Variants in FAM13A observed in about 807,000 individuals in gnomAD.
FAM13A encodes family with sequence similarity 13 member A, also known as protein FAM13A.
In FAM13A, 76 loss-of-function variants were observed where a neutral mutation model predicts 129.6. The observed-to-expected ratio is 0.59, with a 90% confidence interval of 0.49 to 0.71. The LOEUF (loss-of-function observed/expected upper bound fraction) is 0.71, where lower values mean the gene tolerates loss of function less well. Among genes scored for constraint, FAM13A ranks in the 30% least tolerant of loss-of-function variants. The pLI is 0.00. For missense variants in FAM13A, 1,108 were observed against 1,249.3 expected (o/e 0.89, Z 1.70); for synonymous variants, 443 against 449.9 (o/e 0.98, Z 0.20).
chr4:88,909,682 T>C (rs1435313230), intron 5 of FAM13A, among the ~76,000 whole-genome samples: 1 of 152,140 alleles, frequency 6.6e-6, no homozygotes, highest in Non-Finnish European at 1.5e-5. Context: ...AGATGAGGTT[T>C]CTCCATGTTG....
chr4:88,747,549 TG>T, intron 18 of FAM13A, 81 bp downstream of exon 18: 1 of 1,133,404 alleles, frequency 8.8e-7, no homozygotes, highest in Non-Finnish European at 1.3e-6. Context: ...ATCTTCCCAC[TG>T]GGATTCACGT....
intron 5 of FAM13A, among the ~76,000 whole-genome samples, chr4:88,921,638 A>G (rs1751111358): frequency 6.6e-6 from 1 of 152,240 alleles, no homozygotes; most frequent in South Asian, 2.1e-4. Flanking sequence ...AAGAAACTGC[A>G]TCAACTAACG....
At chr4:88,823,270 G>T in intron 7 of FAM13A, 1 of 1,256,160 alleles carries the variant, frequency 8.0e-7, no homozygotes, top group South Asian at 2.3e-5. Context: ...CAGGGAAGCA[G>T]CTGAACCACC....
At chr4:88,847,656 C>T (rs376693832) in intron 7 of FAM13A, among the ~76,000 whole-genome samples, 49 of 151,938 alleles carry the variant, frequency 3.2e-4, no homozygotes, top group South Asian at 1.5e-3. Context: ...AACAACAGGC[C>T]GGGTGCAGTG....
Position 88,749,766 on chromosome 4 carries a change from C to T in FAM13A, c.2079+5G>A. The stretch of plus-strand genomic sequence containing the variant: ...GCGAAAAGAACAGTGTGAGGGGACA[C>T]TTACTCTGTACTTCTTCTCTTCTTC... On this transcript the variant is annotated splice_donor_5th_base_variant and intron_variant, in intron 16 of 23. Transcript: ENST00000264344. 1 of 1,613,972 alleles carries T rather than the reference C, an allele frequency of 6.2e-7. No individual in the cohort carries two copies. Among genetic ancestry groups the T allele is most frequent in the Non-Finnish European group, 8.5e-7 (1 of 1,179,888 alleles).
chr4:88,763,458 G>A (rs1745176700), intron 13 of FAM13A, among the ~76,000 whole-genome samples: 1 of 152,192 alleles, frequency 6.6e-6, no homozygotes, highest in Admixed American at 6.5e-5. Context: ...TAGGATGCCA[G>A]GGGGCAAATA....
intron 8 of FAM13A, among the ~76,000 whole-genome samples, chr4:88,798,494 G>A (rs1174232937): frequency 6.6e-6 from 1 of 152,136 alleles, no homozygotes; most frequent in Non-Finnish European, 1.5e-5. Context: ...CTGCTCAGTT[G>A]AGGAAATGTC....
intron 19 of FAM13A, among the ~76,000 whole-genome samples, chr4:88,743,871 T>A (rs1229064059): frequency 6.6e-6 from 1 of 152,184 alleles, no homozygotes; most frequent in African/African-American, 2.4e-5. Flanking sequence ...CCTCAAACTC[T>A]TAGTAAAACA....
At chr4:88,737,593 C>G in intron 20 of FAM13A, 38 bp from the exon 21 acceptor site, 1 of 1,508,656 alleles carries the variant, frequency 6.6e-7, no homozygotes, top group Non-Finnish European at 9.2e-7. Flanking sequence ...CATTCCGAAC[C>G]CCTTTCCCTT....
At chr4:89,002,853 T>A (rs1441489670) in intron 3 of FAM13A, among the ~76,000 whole-genome samples, 3 of 152,004 alleles carry the variant, frequency 2.0e-5, no homozygotes, top group Admixed American at 6.6e-5. Flanking sequence ...AGTATGGTGT[T>A]TTGCAAGAGG....
chr4:88,980,945 T>C (rs138167292), intron 4 of FAM13A, among the ~76,000 whole-genome samples: 13 of 152,318 alleles, frequency 8.5e-5, no homozygotes, highest in African/African-American at 1.2e-4. Context: ...TGAAGACCAA[T>C]AGCAGTTTTA....
At chr4:88,793,228 G>A (rs1223603308) in intron 8 of FAM13A, among the ~76,000 whole-genome samples, 1 of 151,882 alleles carries the variant, frequency 6.6e-6, no homozygotes, top group South Asian at 2.1e-4. Context: ...GGTAGGATAC[G>A]GAAAACTCAT....
At chr4:88,992,283 T>C (rs1404410349) in intron 3 of FAM13A, among the ~76,000 whole-genome samples, 1 of 152,006 alleles carries the variant, frequency 6.6e-6, no homozygotes, top group East Asian at 1.9e-4. Context: ...CTTTTTTTTT[T>C]TTTAAGGAGT....
At chr4:88,788,979 A>C (rs969708509) in intron 9 of FAM13A, among the ~76,000 whole-genome samples, 2 of 152,200 alleles carry the variant, frequency 1.3e-5, no homozygotes, top group Non-Finnish European at 2.9e-5. Flanking sequence ...ACTTTTATAG[A>C]TAGAACTCCA....
intron 19 of FAM13A, among the ~76,000 whole-genome samples, chr4:88,739,770 G>A (rs1052249154): frequency 9.0e-6 from 1 of 111,104 alleles, no homozygotes; most frequent in African/African-American, 4.1e-5. Flanking sequence ...CTGGGTGACA[G>A]AGAAAGACTC....
intron 6 of FAM13A, among the ~76,000 whole-genome samples, chr4:88,884,997 A>C (rs1269907793): frequency 6.6e-6 from 1 of 152,224 alleles, no homozygotes; most frequent in Non-Finnish European, 1.5e-5. Context: ...GAAAGAAATC[A>C]TAGATGGCAC....
intron 6 of FAM13A, among the ~76,000 whole-genome samples, chr4:88,852,443 T>C (rs931596869): frequency 6.6e-6 from 1 of 152,204 alleles, no homozygotes; most frequent in Non-Finnish European, 1.5e-5. Context: ...ATTACAGGCT[T>C]GAGCCACGGC....
At position 89,013,288 on chromosome 4, in the gene FAM13A, GTATA is replaced by G. The variant is rs554147247; in HGVS notation, c.427+7168_427+7171del. Among the ~76,000 whole-genome samples the G allele has an allele frequency of 2.9e-4, 42 of 145,444 alleles. 1 individual carries two copies. Among genetic ancestry groups the G allele is most frequent in the African/African-American group, 1.0e-3 (41 of 39,982 alleles). ...ATAAAATATATATATATATAACACA[GTATA>G]TATATATAAAACACAGTATATACAT... On this transcript the variant is annotated intron_variant, in intron 3 of 23. Transcript: ENST00000264344.
chr4:88,733,094 G>T (rs1307074284), intron 21 of FAM13A, among the ~76,000 whole-genome samples: 1 of 152,140 alleles, frequency 6.6e-6, no homozygotes, highest in Non-Finnish European at 1.5e-5. Flanking sequence ...AAAATGGTAT[G>T]CATAGCACCA....
Sources: gnomAD v4.1 joint callset for allele counts (sites outside exome capture counted in the v4.1 genomes callset) on GRCh38, gnomAD v4.1.1 for gene constraint, MANE v1.5 for transcripts, NCBI Gene and HGNC (gene_info 2026-07-23, HGNC 2026-07-21) for gene names.